AATK: variants seen among roughly 807,000 people sequenced by gnomAD.
AATK encodes lemur tail kinase 1.
Under a neutral mutation model 114.3 loss-of-function variants are expected in AATK, and 91 were observed. The observed-to-expected ratio is 0.80, with a 90% CI of 0.67 to 0.95. AATK has a LOEUF of 0.95. AATK is among the 40% of genes least tolerant of loss of function. The pLI is 0.00. For missense variants in AATK, 2,176 were observed against 1,965.2 expected, an observed-to-expected ratio of 1.11 and a Z score of -2.03; for synonymous variants, 1,075 against 916.5, an observed-to-expected ratio of 1.17 and a Z score of -3.12.
intron 13 of AATK, among the ~76,000 whole-genome samples, chr17:81,119,127 GGCC>G (rs1568215358): frequency 1.4e-5 from 2 of 142,980 alleles, no homozygotes; most frequent in Non-Finnish European, 1.5e-5. Context: ...CGAGTGCAGG[GGCC>G]AGGTGAGGGC....
chr17:81,122,155 T>C lies in AATK; in HGVS notation c.1781A>G (p.Tyr594Cys). 6.6e-7 allele frequency: 1 copy of C among 1,520,340 alleles called. No homozygotes were observed. Among genetic ancestry groups the C allele is most frequent in the Non-Finnish European group, 8.8e-7 (1 of 1,135,014 alleles). The allele number at this position is 1,520,340 out of a possible 1,614,324, so 94.2% of individuals were successfully genotyped here. ...VDVPWGRGDH[Y>C]PRRSLARDPL... ...GTCCCGCGCCAAGCTTCTGCGAGGG[T>C]AGTGGTCGCCGCGGCCCCAGGGGAC... is the stretch of plus-strand genomic sequence containing the variant. The change falls in exon 11 of 14, where the codon TAC becomes TGC. Residue 594 changes from tyrosine to cysteine, a missense_variant. Tyr to Cys is a radical substitution (Grantham distance 194, BLOSUM62 -2). Around this residue, in one of 4 missense-constraint regions of AATK, gnomAD observed 1,701 missense variants for 1,394.7 expected, o/e 1.22. Transcript: ENST00000326724.
intron 1 of AATK, among the ~76,000 whole-genome samples, chr17:81,140,865 G>A (rs567746204): frequency 0.014 from 1,885 of 138,184 alleles, 39 homozygotes; most frequent in Non-Finnish European, 0.019. Context: ...CTGTGGGGCC[G>A]TGAGCCGTGG....
At chr17:81,139,147 C>T (rs572664416) in intron 1 of AATK, among the ~76,000 whole-genome samples, 22 of 152,340 alleles carry the variant, frequency 1.4e-4, no homozygotes, top group African/African-American at 5.1e-4. Context: ...GTATCATCAT[C>T]CTCACTTTAC....
intron 1 of AATK, among the ~76,000 whole-genome samples, chr17:81,149,060 T>C (rs1258806854): frequency 6.6e-6 from 1 of 152,118 alleles, no homozygotes. Flanking sequence ...AGCTCTGGGT[T>C]GAATGCGTCC....
At position 81,153,426 on chromosome 17, in the gene AATK, G is replaced by A. The variant is rs564901493; in HGVS notation, c.55+12512C>T. Among the ~76,000 whole-genome samples the A allele has an allele frequency of 4.6e-5, 7 of 152,276 alleles. No homozygotes were observed. The East Asian group carries it at 5.8e-4, about 13-fold the overall frequency. ...TTCTGTTCAGCCCAACACACTGGGC[G>A]GAAAATTCAGATGAGACAGGAACTT... is the stretch of plus-strand genomic sequence containing the variant. On this transcript the variant is annotated intron_variant, in intron 1 of 13. Coordinates refer to ENST00000326724, the MANE Select transcript of AATK (RefSeq NM_001080395.3).
At position 81,151,230 on chromosome 17, in the gene AATK, G is replaced by A. The variant is rs1048975108; in HGVS notation, c.55+14708C>T. Reference sequence around the variant, plus strand: ...GAGTCACTTTTCCAGGTGGAGACACGGAAGCCGGGTGTCAGCCAAGCCCCA... The same window carrying A: ...GAGTCACTTTTCCAGGTGGAGACACAGAAGCCGGGTGTCAGCCAAGCCCCA... On this transcript the variant is annotated intron_variant, in intron 1 of 13. Transcript: ENST00000326724. 2.4e-4 allele frequency among the ~76,000 whole-genome samples: 37 copies of A among 152,080 alleles called. No individual in the cohort carries two copies. The East Asian group carries it at 2.7e-3, about 11-fold the overall frequency.
At chr17:81,161,604 C>T (rs1393688695) in intron 1 of AATK, among the ~76,000 whole-genome samples, 6 of 152,180 alleles carry the variant, frequency 3.9e-5, no homozygotes, top group Admixed American at 3.9e-4. Flanking sequence ...GTCACCAGCC[C>T]TGGAGCTGCC....
chr17:81,121,432 A>G lies in AATK; in HGVS notation c.2504T>C (p.Val835Ala), dbSNP rs1598905176. 6.2e-7 allele frequency: 1 copy of G among 1,601,308 alleles called. No homozygotes were observed. The highest frequency in any genetic ancestry group is 8.5e-7 in the Non-Finnish European group (1 of 1,174,388). The part of the protein sequence containing the change: ...DSPTPATGGE[V>A]SAIKLASALN... The stretch of plus-strand genomic sequence containing the variant: ...GGCAGAAGCCAGCTTGATGGCAGAC[A>G]CCTCGCCACCAGTAGCAGGCGTGGG... Residue 835 changes from valine to alanine, a missense_variant, in exon 11 of 14, where the codon GTG (valine) becomes GCG (alanine). By Grantham distance (64) the Val-to-Ala change is moderately conservative. Coordinates refer to ENST00000326724, the MANE Select transcript of AATK (RefSeq NM_001080395.3).
At chr17:81,165,711 G>A (rs773153166) in intron 1 of AATK, 3 of 1,519,696 alleles carry the variant, frequency 2.0e-6, no homozygotes, top group Non-Finnish European at 2.6e-6. Context: ...ACGGAGTCAC[G>A]ACCACGCGGG....
At chr17:81,140,919 G>A (rs1485622666) in intron 1 of AATK, among the ~76,000 whole-genome samples, 2 of 93,068 alleles carry the variant, frequency 2.1e-5, no homozygotes, top group South Asian at 4.3e-4. Flanking sequence ...CCGTGGGGCC[G>A]TGGGACCGTG....
In AATK at chr17:81,126,882, C is replaced by G; in HGVS notation, c.622-322G>C. On this transcript the variant is annotated intron_variant, in intron 6 of 13. Coordinates refer to ENST00000326724, the MANE Select transcript of AATK (RefSeq NM_001080395.3). This position sits in a 1 kb window ranked among gnomAD's most constrained non-coding sequence, Gnocchi z 5.1. ...CTTGATGGAGTCTGGGGCTGGTGGT[C>G]GAGGGTTGGCCGGCAGCCCCTGACC... 1.7e-6 allele frequency: 2 copies of G among 1,147,866 alleles called. No homozygotes were observed. Among genetic ancestry groups the G allele is most frequent in the Non-Finnish European group, 2.2e-6 (2 of 929,906 alleles). The allele number at this position is 1,147,866 out of a possible 1,614,324, so 71.1% of individuals were successfully genotyped here.
chr17:81,134,448 C>G lies in AATK; in HGVS notation c.109G>C (p.Val37Leu). The change falls in exon 2 of 14, where the codon GTG becomes CTG. Residue 37 changes from valine (V) to leucine (L), a missense_variant. Val to Leu is a conservative substitution (Grantham distance 32, BLOSUM62 1). Coordinates refer to ENST00000326724, the MANE Select transcript of AATK (RefSeq NM_001080395.3). ...SWPSSLAVVA[V>L]SFSGLFAVIV... ...ACGGCGAAGAGCCCGGAGAAAGACA[C>G]AGCCACCACGGCGAGGGAGGATGGC... 6.2e-7 allele frequency: 1 copy of G among 1,613,258 alleles called. No homozygotes were observed. Among genetic ancestry groups the G allele is most frequent in the Admixed American group, 1.7e-5 (1 of 60,010 alleles).
At chr17:81,164,975 C>T (rs1447955582) in intron 1 of AATK, among the ~76,000 whole-genome samples, 2 of 152,248 alleles carry the variant, frequency 1.3e-5, no homozygotes, top group Admixed American at 6.5e-5. Context: ...AGGCTGCGTG[C>T]ACTGGGCCCT....
At chr17:81,165,098 G>A (rs1279674933) in intron 1 of AATK, among the ~76,000 whole-genome samples, 1 of 152,242 alleles carries the variant, frequency 6.6e-6, no homozygotes, top group Non-Finnish European at 1.5e-5. Flanking sequence ...TGGCCCTGGG[G>A]CCATGGATGG....
chr17:81,123,724 C>T, intron 9 of AATK, among the ~76,000 whole-genome samples: 1 of 42,230 alleles, frequency 2.4e-5, no homozygotes, highest in Admixed American at 2.8e-4. Flanking sequence ...CAGCAGGGGG[C>T]TGAGGGAGGG....
Position 81,118,432 on chromosome 17 carries a change from A to C in AATK, c.4095T>G (p.Ala1365=), listed in dbSNP as rs2060595918. 1 of 1,608,240 alleles carries C rather than the reference A, an allele frequency of 6.2e-7. No individual in the cohort carries two copies. Among genetic ancestry groups the C allele is most frequent in the African/African-American group, 1.3e-5 (1 of 74,766 alleles). ...SDAESKRGPE[A]GAGGESKEA is the part of the protein sequence containing the mutation. Reference sequence around the variant, plus strand: ...CCTCTTTACTCTCACCCCCGGCACCAGCTTCAGGTCCTGGCAAGCAGGACA... The same window carrying C: ...CCTCTTTACTCTCACCCCCGGCACCCGCTTCAGGTCCTGGCAAGCAGGACA... Residue 1365 remains alanine (A), a synonymous_variant, in exon 14 of 14, where the codon GCT becomes GCG. Coordinates refer to ENST00000326724, the MANE Select transcript of AATK (RefSeq NM_001080395.3).
chr17:81,131,843 C>A, intron 2 of AATK: 2 of 1,301,488 alleles, frequency 1.5e-6, no homozygotes, highest in Non-Finnish European at 2.0e-6. Flanking sequence ...GGACAAGGAG[C>A]ATTCCTGGAT....
At chr17:81,132,698 A>T (rs768046870) in intron 2 of AATK, 14 of 330,986 alleles carry the variant, frequency 4.2e-5, no homozygotes, top group Non-Finnish European at 8.1e-5. Context: ...TACAGCGTGC[A>T]ATCAGGTAGC....
intron 1 of AATK, among the ~76,000 whole-genome samples, chr17:81,156,224 C>CA (rs1033310109): frequency 1.3e-4 from 19 of 149,120 alleles, no homozygotes; most frequent in African/African-American, 3.5e-4. Context: ...TACCATGTTA[C>CA]AATGTATGTT....
Sources: allele counts gnomAD v4.1 joint callset (sites outside exome capture counted in the v4.1 genomes callset), GRCh38; gene constraint gnomAD v4.1.1; regional missense constraint gnomAD v4.1.1; non-coding constraint Gnocchi (gnomAD v3.1); transcripts MANE v1.5; gene names NCBI Gene and HGNC (gene_info 2026-07-23, HGNC 2026-07-21).